Variants in ZNF829 observed in about 807,000 individuals in gnomAD.
ZNF829 encodes zinc finger protein 829.
Under a neutral mutation model 35.2 loss-of-function variants are expected in ZNF829, and 25 were observed. The ratio of observed to expected loss-of-function variants is 0.71; its 90% CI spans 0.52 to 0.99. The LOEUF (loss-of-function observed/expected upper bound fraction) is 0.99. Among genes scored for constraint, ZNF829 ranks in the 50% least tolerant of loss-of-function variants. The pLI is 0.00. For synonymous variants in ZNF829, 136 were observed against 163.2 expected (o/e 0.83, Z 1.27); for missense variants, 417 against 515.3 (o/e 0.81, Z 1.85).
chr19:36,892,906 CA>C, intron 5 of ZNF829: 1 of 1,142,838 alleles, frequency 8.8e-7, no homozygotes, highest in Non-Finnish European at 1.1e-6. Flanking sequence ...TCAGCATGCC[CA>C]GGCAGGGGTT....
chr19:36,914,078 C>G (rs561833160), intron 3 of ZNF829, among the ~76,000 whole-genome samples: 3 of 152,136 alleles, frequency 2.0e-5, no homozygotes, highest in African/African-American at 7.2e-5. Flanking sequence ...ATAACATATA[C>G]AAAAACCAGT....
In ZNF829 at chr19:36,915,131, A is replaced by T. The variant is rs747267246; in HGVS notation, c.37T>A (p.Trp13Arg). ...HSPLISIPHV[W>R]CHPEEEERMH... Reference sequence around the variant, plus strand: ...TTCTTCCCCAGCCCCATTACCCACCACACATGAGGAATGGAGATCAGAGGA... The same window carrying T: ...TTCTTCCCCAGCCCCATTACCCACCTCACATGAGGAATGGAGATCAGAGGA... Residue 13 changes from tryptophan to arginine, a missense_variant and splice_region_variant, in exon 2 of 6, where the codon TGG becomes AGG. By Grantham distance (101) the Trp-to-Arg change is moderately radical. Transcript: ENST00000391711. 1.9e-6 allele frequency: 3 copies of T among 1,613,946 alleles called. No homozygotes were observed. In the East Asian group the frequency reaches 6.7e-5, roughly 36 times the overall value.
At position 36,892,099 on chromosome 19, in the gene ZNF829, T is replaced by G; in HGVS notation, c.692A>C (p.Gln231Pro). The G allele has an allele frequency of 6.2e-7, 1 of 1,614,104 alleles. No homozygotes were observed. The highest frequency in any genetic ancestry group is 8.5e-7 in the Non-Finnish European group (1 of 1,180,002). Reference sequence around the variant, plus strand: ...GGGTTTCTCACCAGTGTGAATCCTCTGATGTTGAGAAAAATATGAACTACA... The same window carrying G: ...GGGTTTCTCACCAGTGTGAATCCTCGGATGTTGAGAAAAATATGAACTACA... ...FSCSSYFSQH[Q>P]RIHTGEKPYE... is the part of the protein sequence containing the mutation. Residue 231 changes from glutamine to proline, a missense_variant, in exon 6 of 6, where the codon CAG becomes CCG. Coordinates refer to ENST00000391711, the MANE Select transcript of ZNF829 (RefSeq NM_001037232.4).
At chr19:36,896,924 C>T (rs1176606833) in intron 5 of ZNF829, among the ~76,000 whole-genome samples, 1 of 152,114 alleles carries the variant, frequency 6.6e-6, no homozygotes, top group Non-Finnish European at 1.5e-5. Flanking sequence ...CTACAGGCAA[C>T]TATATGCTAA....
At chr19:36,907,841 C>A in intron 5 of ZNF829, 88 bp downstream of exon 5, 1 of 1,135,934 alleles carries the variant, frequency 8.8e-7, no homozygotes, top group Non-Finnish European at 1.3e-6. Flanking sequence ...ATGGAAGAGG[C>A]TTCAGGCCTT....
chr19:36,909,796 G>C (rs1337173615), intron 3 of ZNF829, among the ~76,000 whole-genome samples: 2 of 129,054 alleles, frequency 1.5e-5, no homozygotes, highest in African/African-American at 3.3e-5. Flanking sequence ...AACAGAGTGA[G>C]ACTCTGTCTC....
At chr19:36,903,755 G>A (rs1024134365) in intron 5 of ZNF829, among the ~76,000 whole-genome samples, 1 of 114,532 alleles carries the variant, frequency 8.7e-6, no homozygotes. Flanking sequence ...GCCGGGCATG[G>A]TGGCAGGTGC....
At position 36,916,010 on chromosome 19, in the gene ZNF829, C is replaced by A; in HGVS notation, c.-85+1G>T. ...TTCTCCTGGGGACCAAAATATCTCA[C>A]CTCCCAGATCTAAGGGTCCCGCCAG... On this transcript the variant is annotated splice_donor_variant, in intron 1 of 5. Transcript: ENST00000391711. LOFTEE classifies it low-confidence loss of function (5UTR_SPLICE). This position sits in a 1 kb window ranked among gnomAD's most constrained non-coding sequence, Gnocchi z 5.3. The A allele has an allele frequency of 1.5e-6, 2 of 1,334,992 alleles. No individual in the cohort carries two copies. Among genetic ancestry groups the A allele is most frequent in the African/African-American group, 1.5e-5 (1 of 68,332 alleles). The allele number at this position is 1,334,992 out of a possible 1,614,324, so 82.7% of individuals were successfully genotyped here.
intron 3 of ZNF829, among the ~76,000 whole-genome samples, chr19:36,909,806 C>CA (rs35064154): frequency 7.0e-4 from 94 of 133,942 alleles, no homozygotes; most frequent in Middle Eastern, 3.9e-3. Flanking sequence ...GACTCTGTCT[C>CA]AAAAAAAAAA....
In ZNF829 at chr19:36,915,852, C is replaced by T. The variant is rs1242371716; in HGVS notation, c.-85+159G>A. The stretch of plus-strand genomic sequence containing the variant: ...CCTCGTGATCCTCCTGCCTCGGCCT[C>T]CCAAACACAACCTCCACCTTTCAGG... On this transcript the variant is annotated intron_variant, in intron 1 of 5. Coordinates refer to ENST00000391711, the MANE Select transcript of ZNF829 (RefSeq NM_001037232.4). The T allele has an allele frequency of 2.6e-6, 4 of 1,536,076 alleles. No homozygotes were observed. In the South Asian group the frequency reaches 4.8e-5, roughly 18 times the overall value.
At chr19:36,905,065 A>G (rs1290875905) in intron 5 of ZNF829, among the ~76,000 whole-genome samples, 2 of 152,166 alleles carry the variant, frequency 1.3e-5, no homozygotes, top group Non-Finnish European at 2.9e-5. Context: ...AGGTAACAAC[A>G]TCTACTTCTA....
chr19:36,895,766 T>C (rs143288803), intron 5 of ZNF829, among the ~76,000 whole-genome samples: 157 of 152,308 alleles, frequency 1.0e-3, no homozygotes, highest in African/African-American at 3.7e-3. Flanking sequence ...AGAAGGTCAT[T>C]ATATAATGAT....
chr19:36,915,284 A>G, intron 1 of ZNF829, 33 bp from the exon 2 acceptor site: 1 of 1,580,958 alleles, frequency 6.3e-7, no homozygotes. Context: ...ACAATCGCAT[A>G]GTTGACAGGA....
intron 5 of ZNF829, among the ~76,000 whole-genome samples, chr19:36,895,014 CAA>C (rs2073098875): frequency 6.6e-6 from 1 of 151,994 alleles, no homozygotes. Context: ...TGTCAAAAGT[CAA>C]AGACAGAGAA....
Position 36,891,876 on chromosome 19 carries a change from A to G in ZNF829, c.915T>C (p.Phe305=). 2 of 1,614,064 alleles carry G rather than the reference A, an allele frequency of 1.2e-6. No individual in the cohort carries two copies. The highest frequency in any genetic ancestry group is 1.7e-6 in the Non-Finnish European group (2 of 1,179,972). ...GCTGAATAAGCCTTGAGTGTTGAGTAAAGGCTTTCCCACATTCTTTACATT... is the reference window on the plus strand; with the variant it reads ...GCTGAATAAGCCTTGAGTGTTGAGTGAAGGCTTTCCCACATTCTTTACATT... ...PYECKECGKA[F]TQHSRLIQHQ... Residue 305 remains phenylalanine (F), a synonymous_variant, in exon 6 of 6, where the codon TTT becomes TTC. Transcript: ENST00000391711.
chr19:36,898,578 A>G (rs1022170795), intron 5 of ZNF829, among the ~76,000 whole-genome samples: 3 of 152,184 alleles, frequency 2.0e-5, no homozygotes, highest in Admixed American at 1.3e-4. Context: ...CGAAAGAACA[A>G]AAGTGGAAGA....
At chr19:36,900,909 T>A (rs2073160107) in intron 5 of ZNF829, among the ~76,000 whole-genome samples, 1 of 145,718 alleles carries the variant, frequency 6.9e-6, no homozygotes, top group African/African-American at 2.5e-5. Context: ...ACTGGAACCA[T>A]CATACACTGC....
chr19:36,914,704 T>C (rs1205500939), intron 3 of ZNF829, among the ~76,000 whole-genome samples: 1 of 152,162 alleles, frequency 6.6e-6, no homozygotes, highest in Non-Finnish European at 1.5e-5. Context: ...TTTTGACAAA[T>C]AATGAAAATA....
rs2073238065 is a variant in ZNF829, at chr19:36,908,522, C to G, written c.97-63G>C. The G allele has an allele frequency of 2.0e-6, 3 of 1,535,428 alleles. No individual in the cohort carries two copies. The African/African-American group carries it at 4.2e-5, about 21-fold the overall frequency. ...AAGAAAAAGATGGCGGTAGAGGTGG[C>G]AAGAAAGGACAGAGTAAGCAAAATT... is the stretch of plus-strand genomic sequence containing the variant. On this transcript the variant is annotated intron_variant, in intron 3 of 5. Transcript: ENST00000391711.
Sources: gnomAD v4.1 joint callset for allele counts (sites outside exome capture counted in the v4.1 genomes callset) on GRCh38, gnomAD v4.1.1 for gene constraint, Gnocchi (gnomAD v3.1) non-coding constraint, MANE v1.5 for transcripts, NCBI Gene and HGNC (gene_info 2026-07-23, HGNC 2026-07-21) for gene names.